The following SLC22A2 variants were observed in gnomAD, a reference collection of about 807,000 sequenced individuals.
SLC22A2 encodes organic cation transporter 2.
Under a neutral mutation model 60.5 loss-of-function variants are expected in SLC22A2, and 46 were observed. The observed-to-expected ratio is 0.76, with a 90% CI of 0.60 to 0.97. The LOEUF (loss-of-function observed/expected upper bound fraction) is 0.97, where lower values mean the gene tolerates loss of function less well. Among genes scored for constraint, SLC22A2 ranks in the 50% least tolerant of loss-of-function variants. SLC22A2 has a pLI of 0.00. For missense variants in SLC22A2, 701 were observed against 706.6 expected (o/e 0.99, Z 0.09); for synonymous variants, 303 against 267.0 (o/e 1.13, Z -1.31).
chr6:160,248,726 G>A (rs1193408208), intron 4 of SLC22A2, among the ~76,000 whole-genome samples: 1 of 152,146 alleles, frequency 6.6e-6, no homozygotes. Flanking sequence ...GATTGGTATG[G>A]TCTGTCTGGA....
Position 160,217,478 on chromosome 6 carries a change from TTTTC to T in SLC22A2, c.1618_1621del (p.Glu540ArgfsTer2). 6.3e-7 allele frequency: 1 copy of T among 1,592,928 alleles called. No individual in the cohort carries two copies. Among genetic ancestry groups the T allele is most frequent in the South Asian group, 1.1e-5 (1 of 90,452 alleles). ...TTTCTGAACTTGGAGGTAAATCATC[TTTTC>T]TTTATTTTTTCTTGGTCTGCAATAA... is the stretch of plus-strand genomic sequence containing the variant. On this transcript the variant is annotated frameshift_variant, in exon 11 of 11. Transcript: ENST00000366953. LOFTEE classifies it high-confidence loss of function.
chr6:160,256,655 T>C lies in SLC22A2; in HGVS notation c.477A>G (p.Gly159=), dbSNP rs554623251. ...CGATACTCATAGAGCCAATAAAGAA[T>C]CCTACATTCACTGATGACTGGAATA... is the stretch of plus-strand genomic sequence containing the variant. ...LDLFQSSVNV[G]FFIGSMSIGY... The change falls in exon 2 of 11, where the codon GGA becomes GGG. Residue 159 remains glycine, a synonymous_variant. Coordinates refer to ENST00000366953, the MANE Select transcript of SLC22A2 (RefSeq NM_003058.4). 1.7e-5 allele frequency: 27 copies of C among 1,613,982 alleles called. No homozygotes were observed. The African/African-American group carries it at 3.2e-4, about 19-fold the overall frequency.
In SLC22A2 at chr6:160,249,297, C is replaced by A. The variant is rs2114868625; in HGVS notation, c.761G>T (p.Gly254Val). Residue 254 changes from glycine (G) to valine (V), a missense_variant, in exon 4 of 11, where the codon GGG becomes GTG. Physicochemically the swap from Gly to Val is moderately radical, Grantham distance 109 (BLOSUM62 -3). Transcript: ENST00000366953. The part of the protein sequence containing the change: ...AYTVGLLVLA[G>V]VAYALPHWRW... Reference sequence around the variant, plus strand: ...CCAGTGAGGAAGTGCGTAAGCCACCCCAGCTAGCACCAGGAGCCCAACTGT... The same window carrying A: ...CCAGTGAGGAAGTGCGTAAGCCACCACAGCTAGCACCAGGAGCCCAACTGT... 6.2e-7 allele frequency: 1 copy of A among 1,613,154 alleles called. No individual in the cohort carries two copies. Among genetic ancestry groups the A allele is most frequent in the Non-Finnish European group, 8.5e-7 (1 of 1,179,242 alleles).
intron 9 of SLC22A2, among the ~76,000 whole-genome samples, chr6:160,227,589 G>C (rs1782743910): frequency 6.6e-6 from 1 of 152,238 alleles, no homozygotes; most frequent in African/African-American, 2.4e-5. Context: ...TATTTGGTCA[G>C]AATGTGGTCA....
Position 160,247,262 on chromosome 6 carries a change from C to G in SLC22A2, c.879G>C (p.Gln293His), listed in dbSNP as rs767102234. The stretch of plus-strand genomic sequence containing the variant: ...TTCTCATGGCTTCAGCATTCTTATT[C>G]TGGGAGATCAGCCACCTGGGAGACT... ...IPESPRWLIS[Q>H]NKNAEAMRII... The change falls in exon 5 of 11, where the codon CAG becomes CAC. Residue 293 changes from glutamine to histidine, a missense_variant. Coordinates refer to ENST00000366953, the MANE Select transcript of SLC22A2 (RefSeq NM_003058.4). 1 of 1,613,600 alleles carries G rather than the reference C, an allele frequency of 6.2e-7. No homozygotes were observed. The highest frequency in any genetic ancestry group is 8.5e-7 in the Non-Finnish European group (1 of 1,179,552).
At chr6:160,238,806 C>T (rs776581511) in intron 9 of SLC22A2, among the ~76,000 whole-genome samples, 23 of 152,008 alleles carry the variant, frequency 1.5e-4, no homozygotes, top group Non-Finnish European at 2.8e-4. Context: ...TTTATCTTTC[C>T]TGCAGGAAGG....
chr6:160,238,561 G>A (rs987493604), intron 9 of SLC22A2, among the ~76,000 whole-genome samples: 3 of 152,198 alleles, frequency 2.0e-5, no homozygotes, highest in Non-Finnish European at 4.4e-5. Flanking sequence ...TTTCCAGTGT[G>A]TTGACTTTCA....
intron 9 of SLC22A2, among the ~76,000 whole-genome samples, chr6:160,239,162 G>T (rs956434262): frequency 5.9e-5 from 9 of 152,132 alleles, no homozygotes; most frequent in African/African-American, 2.2e-4. Context: ...CATGTTAAAA[G>T]ACACTCCCAC....
At chr6:160,223,707 AT>A (rs1782677314) in intron 10 of SLC22A2, among the ~76,000 whole-genome samples, 1 of 152,068 alleles carries the variant, frequency 6.6e-6, no homozygotes, top group South Asian at 2.1e-4. Flanking sequence ...AAGGATATAC[AT>A]GTTTATAATT....
intron 3 of SLC22A2, 109 bp downstream of exon 3, chr6:160,250,439 A>T: frequency 1.0e-6 from 1 of 982,496 alleles, no homozygotes; most frequent in Non-Finnish European, 1.6e-6. Flanking sequence ...AAAATCTCTC[A>T]ATATTGTCTT....
At chr6:160,218,385 CAGTAGCAGCAAT>C in intron 10 of SLC22A2, 1 of 262,224 alleles carries the variant, frequency 3.8e-6, no homozygotes, top group Non-Finnish European at 7.3e-6. Context: ...ACAGCAGCAA[CAGTAGCAGCAAT>C]AGTAGCAACA....
chr6:160,222,967 T>C (rs1375598537), intron 10 of SLC22A2, among the ~76,000 whole-genome samples: 1 of 152,220 alleles, frequency 6.6e-6, no homozygotes, highest in East Asian at 1.9e-4. Flanking sequence ...GCTGCGAGTG[T>C]GTGACCTCCG....
chr6:160,247,083 G>C, intron 5 of SLC22A2, 101 bp downstream of exon 5: 1 of 695,490 alleles, frequency 1.4e-6, no homozygotes, highest in Non-Finnish European at 2.5e-6. Flanking sequence ...AAGGGGGTGG[G>C]TGCTTCCATG....
intron 9 of SLC22A2, among the ~76,000 whole-genome samples, chr6:160,226,005 A>G (rs1051247954): frequency 2.0e-5 from 3 of 152,216 alleles, no homozygotes; most frequent in Admixed American, 6.5e-5. Flanking sequence ...TAGGACTAAC[A>G]TTAGCCACAA....
intron 9 of SLC22A2, among the ~76,000 whole-genome samples, chr6:160,234,666 A>G (rs765054022): frequency 6.6e-6 from 1 of 152,244 alleles, no homozygotes; most frequent in Admixed American, 6.5e-5. Context: ...GGTTTCCACC[A>G]TCCAACAGAT....
At chr6:160,252,697 G>A (rs549143131) in intron 2 of SLC22A2, among the ~76,000 whole-genome samples, 1 of 152,348 alleles carries the variant, frequency 6.6e-6, no homozygotes, top group African/African-American at 2.4e-5. Context: ...TCACCTGGGA[G>A]CTGGTTAGAA....
At chr6:160,252,450 A>C (rs1046047204) in intron 2 of SLC22A2, among the ~76,000 whole-genome samples, 1 of 152,250 alleles carries the variant, frequency 6.6e-6, no homozygotes, top group Non-Finnish European at 1.5e-5. Flanking sequence ...CACATAGGGA[A>C]GCAATGCTAC....
chr6:160,245,354 A>T (rs1384878243), intron 6 of SLC22A2, 85 bp downstream of exon 6: 2 of 720,650 alleles, frequency 2.8e-6, no homozygotes, highest in Non-Finnish European at 4.7e-6. Flanking sequence ...TACCGGGATG[A>T]GGTCATGTTT....
intron 9 of SLC22A2, among the ~76,000 whole-genome samples, chr6:160,227,952 G>A (rs1385993327): frequency 2.6e-5 from 4 of 152,178 alleles, no homozygotes; most frequent in African/African-American, 9.6e-5. Flanking sequence ...GCAACATCAG[G>A]AAGTTACCCT....
Sources: allele counts gnomAD v4.1 joint callset (sites outside exome capture counted in the v4.1 genomes callset), GRCh38; gene constraint gnomAD v4.1.1; transcripts MANE v1.5; gene names NCBI Gene and HGNC (gene_info 2026-07-23, HGNC 2026-07-21).